The following C1orf167 variants were observed in gnomAD, a reference collection of about 807,000 sequenced individuals.
C1orf167 encodes uncharacterized protein C1orf167.
A neutral mutation model predicts 176.5 loss-of-function variants in C1orf167; 153 were observed. The ratio of observed to expected loss-of-function variants is 0.87; its 90% CI spans 0.76 to 0.99. The LOEUF (loss-of-function observed/expected upper bound fraction) is 0.99, where lower values mean the gene tolerates loss of function less well. Ranked by LOEUF, C1orf167 falls within the 50% of genes least tolerant of loss-of-function variation. The probability of loss-of-function intolerance (pLI) is 0.00; values close to 1 mark genes in which losing one functional copy is unlikely to be tolerated. For synonymous variants in C1orf167, 594 were observed against 752.7 expected (o/e 0.79, Z 3.45); for missense variants, 1,490 against 1,817.7 (o/e 0.82, Z 3.28).
At chr1:11,783,291 A>G (rs1050602445) in intron 14 of C1orf167, among the ~76,000 whole-genome samples, 1 of 152,086 alleles carries the variant, frequency 6.6e-6, no homozygotes, top group Non-Finnish European at 1.5e-5. Context: ...CTTGTTGCCC[A>G]GGTTGGAGTG....
At chr1:11,783,682 C>T (rs770685358) in intron 14 of C1orf167, among the ~76,000 whole-genome samples, 2 of 152,172 alleles carry the variant, frequency 1.3e-5, no homozygotes, top group Non-Finnish European at 2.9e-5. Flanking sequence ...TTCCCATCCC[C>T]CTCGCAGGGC....
rs966519912 is a variant in C1orf167, at chr1:11,784,313, G to A, written c.3145G>A (p.Gly1049Arg). Reference protein sequence around the residue: ...TWREAQEVAAGAQEQRVAQAS... With the variant: ...TWREAQEVAARAQEQRVAQAS... ...GCGGGAAGCCCAGGAAGTGGCAGCC[G>A]GGGCACAGGAGCAGCGTGTGGCCCA... Residue 1049 changes from glycine (G) to arginine (R), a missense_variant, in exon 15 of 21, where the codon GGG (glycine) becomes AGG (arginine). By Grantham distance (125) the Gly-to-Arg change is moderately radical (BLOSUM62 -2). Coordinates refer to ENST00000688073, the MANE Select transcript of C1orf167 (RefSeq NM_001010881.2). The A allele has an allele frequency of 8.4e-6, 11 of 1,303,572 alleles. No individual in the cohort carries two copies. Among genetic ancestry groups the A allele is most frequent in the South Asian group, 2.5e-5 (2 of 80,908 alleles). 80.8% of individuals were successfully genotyped at this position (1,303,572 alleles called of 1,614,324 possible).
At position 11,768,977 on chromosome 1, in the gene C1orf167, G is replaced by A; in HGVS notation, c.1547G>A (p.Arg516Lys). Residue 516 changes from arginine (R) to lysine (K), a missense_variant, in exon 6 of 21, where the codon AGA becomes AAA. Coordinates refer to ENST00000688073, the MANE Select transcript of C1orf167 (RefSeq NM_001010881.2). This position sits in a 1 kb window ranked among gnomAD's most constrained non-coding sequence, Gnocchi z 4.5. ...TCCCCTTCTCTCTTGAGCCAGTGGA[G>A]AAACCTGGCTTTACAGCAGAAACAA... ...VLLVRSFREW[R>K]NLALQQKQVQ... The A allele has an allele frequency of 4.1e-6, 4 of 985,942 alleles. No individual in the cohort carries two copies. Among genetic ancestry groups the A allele is most frequent in the Non-Finnish European group, 4.8e-6 (4 of 829,990 alleles). The allele number at this position is 985,942 out of a possible 1,614,324, so 61.1% of individuals were successfully genotyped here.
Position 11,768,206 on chromosome 1 carries a change from C to T in C1orf167, c.1473C>T (p.Leu491=), listed in dbSNP as rs558571245. Residue 491 remains leucine, a synonymous_variant, in exon 5 of 21, where the codon CTC becomes CTT. Transcript: ENST00000688073. The surrounding 1 kb of genome is among the most constrained non-coding windows in gnomAD (Gnocchi z 4.5). ...GAAAGTGCCTTCAGGCCTTGTGGCTCCGGGAGGCTCAGCTGGAGGCAGCAT... is the reference window on the plus strand; with the variant it reads ...GAAAGTGCCTTCAGGCCTTGTGGCTTCGGGAGGCTCAGCTGGAGGCAGCAT... ...LLRKCLQALW[L]REAQLEAAWG... 5.0e-4 allele frequency: 644 copies of T among 1,289,764 alleles called. 13 individuals are homozygous for T. In the South Asian group the frequency reaches 6.7e-3, roughly 13 times the overall value. The allele number at this position is 1,289,764 out of a possible 1,614,324, so 79.9% of individuals were successfully genotyped here. A position where few individuals can be genotyped will look rare whatever the true frequency, so the allele number is the denominator to read the frequency against.
intron 14 of C1orf167, 92 bp downstream of exon 14, chr1:11,782,425 C>A: frequency 1.8e-6 from 2 of 1,118,040 alleles, no homozygotes; most frequent in South Asian, 1.8e-5. Flanking sequence ...CAGACGGTGG[C>A]CCAGATAGGA....
At chr1:11,763,071 G>T (rs1427967650) in intron 1 of C1orf167, among the ~76,000 whole-genome samples, 1 of 152,188 alleles carries the variant, frequency 6.6e-6, no homozygotes, top group Non-Finnish European at 1.5e-5. Context: ...AGCAGCCAGG[G>T]GGCTGGTGTG....
chr1:11,784,562 C>T lies in C1orf167; in HGVS notation c.3394C>T (p.Arg1132Ter), dbSNP rs1310763414. The change falls in exon 15 of 21, where the codon CGA becomes TGA. Residue 1132 changes from arginine (R) to a stop codon, truncating the protein, a stop_gained. Transcript: ENST00000688073. LOFTEE classifies it high-confidence loss of function. ...VHESCRGQVS[R>*]AHASWKPRAW... ...TGAGTCCTGTCGGGGCCAGGTCAGC[C>T]GAGCCCATGCTTCCTGGAAGCCGCG... The T allele has an allele frequency of 1.0e-5, 13 of 1,269,514 alleles. No homozygotes were observed. The highest frequency in any genetic ancestry group is 2.8e-4 in the Middle Eastern group (1 of 3,558). 78.6% of individuals were successfully genotyped at this position (1,269,514 alleles called of 1,614,324 possible). A position where few individuals can be genotyped will look rare whatever the true frequency, so the allele number is the denominator to read the frequency against.
rs138818826 is a variant in C1orf167, at chr1:11,768,939, C to T, written c.1543-34C>T. ...GTTCCCTTGGGAGGCAGATTCAAGG[C>T]CAACATCTCCTTTCCCCTTCTCTCT... On this transcript the variant is annotated intron_variant, in intron 5 of 20. Transcript: ENST00000688073. The surrounding 1 kb of genome is among the most constrained non-coding windows in gnomAD (Gnocchi z 4.5). 1.3e-3 allele frequency: 1,290 copies of T among 985,954 alleles called. 19 individuals are homozygous for T. In the African/African-American group the frequency reaches 0.021, roughly 16 times the overall value. 61.1% of individuals were successfully genotyped at this position (985,954 alleles called of 1,614,324 possible).
Position 11,778,803 on chromosome 1 carries a change from ACT to A in C1orf167, c.2488_2489del (p.Leu830GlyfsTer130), listed in dbSNP as rs1643452380. On this transcript the variant is annotated frameshift_variant, in exon 11 of 21. Coordinates refer to ENST00000688073, the MANE Select transcript of C1orf167 (RefSeq NM_001010881.2). LOFTEE classifies it high-confidence loss of function. ...CCACTGAGCAGCAGCACACTCCAAG[ACT>A]CTCTGGAGAAGGTGAGAGGTAGGAG... 2.3e-6 allele frequency: 3 copies of A among 1,298,764 alleles called. No individual in the cohort carries two copies. Among genetic ancestry groups the A allele is most frequent in the Non-Finnish European group, 3.0e-6 (3 of 986,814 alleles). The allele number at this position is 1,298,764 out of a possible 1,614,324, so 80.5% of individuals were successfully genotyped here.
At position 11,776,606 on chromosome 1, in the gene C1orf167, G is replaced by A. The variant is rs1643328195; in HGVS notation, c.2307G>A (p.Trp769Ter). 8.3e-7 allele frequency: 1 copy of A among 1,206,370 alleles called. No homozygotes were observed. Among genetic ancestry groups the A allele is most frequent in the South Asian group, 1.5e-5 (1 of 67,180 alleles). 74.7% of individuals were successfully genotyped at this position (1,206,370 alleles called of 1,614,324 possible). The change falls in exon 10 of 21, where the codon TGG becomes TGA. Residue 769 changes from tryptophan to a stop codon, truncating the protein, a stop_gained. Transcript: ENST00000688073. LOFTEE classifies it high-confidence loss of function. ...TLALCWALLL[W>*]KMRLFQRQWA... ...CCCTCTGCTGGGCGCTGCTGCTGTG[G>A]AAGATGCGGCTTTTCCAGCGCCAGT... is the stretch of plus-strand genomic sequence containing the variant.
intron 14 of C1orf167, 54 bp from the exon 15 acceptor site, chr1:11,784,120 G>A: frequency 8.3e-7 from 1 of 1,203,456 alleles, no homozygotes; most frequent in South Asian, 1.5e-5. Flanking sequence ...TTCCCAAAGT[G>A]CTGGGATTAC....
At chr1:11,788,610 A>C (rs1391386259) in intron 19 of C1orf167, 42 bp from the exon 20 acceptor site, 1 of 1,286,834 alleles carries the variant, frequency 7.8e-7, no homozygotes, top group South Asian at 1.2e-5. Flanking sequence ...ACTGCGGGGG[A>C]GCGTGAGCAC....
intron 8 of C1orf167, among the ~76,000 whole-genome samples, chr1:11,773,842 T>TA (rs1245983242): frequency 6.6e-6 from 1 of 152,172 alleles, no homozygotes; most frequent in Non-Finnish European, 1.5e-5. Context: ...TATATTGTAT[T>TA]AGAGTTTGCA....
In C1orf167 at chr1:11,765,679, C is replaced by T. The variant is rs1034072903; in HGVS notation, c.71-178C>T. On this transcript the variant is annotated intron_variant, in intron 2 of 20. Coordinates refer to ENST00000688073, the MANE Select transcript of C1orf167 (RefSeq NM_001010881.2). Reference sequence around the variant, plus strand: ...CTCCAAGACCCCCCTACTCCAAGAGCCCCCGGGGCTGCCCATGGCTTCACC... The same window carrying T: ...CTCCAAGACCCCCCTACTCCAAGAGTCCCCGGGGCTGCCCATGGCTTCACC... Among the ~76,000 whole-genome samples, 8 of 152,214 alleles carry T rather than the reference C, an allele frequency of 5.3e-5. No individual in the cohort carries two copies. In the East Asian group the frequency reaches 1.5e-3, roughly 29 times the overall value.
At chr1:11,771,910 G>A (rs1643097521) in intron 7 of C1orf167, among the ~76,000 whole-genome samples, 172 bp from the exon 8 acceptor site, 2 of 152,142 alleles carry the variant, frequency 1.3e-5, no homozygotes, top group South Asian at 2.1e-4. Flanking sequence ...TTTCTGGGCT[G>A]ATACACTGAT....
chr1:11,770,955 C>T (rs1166031945), intron 6 of C1orf167, among the ~76,000 whole-genome samples: 1 of 118,590 alleles, frequency 8.4e-6, no homozygotes, highest in African/African-American at 3.0e-5. Context: ...CAAGTGTGTG[C>T]CACCACACTG....
chr1:11,774,225 G>A (rs965393029), intron 8 of C1orf167, among the ~76,000 whole-genome samples: 1 of 151,854 alleles, frequency 6.6e-6, no homozygotes, highest in Non-Finnish European at 1.5e-5. Flanking sequence ...AATTTTGGTA[G>A]AGACAGAGTC....
rs1347174127 is a variant in C1orf167, at chr1:11,789,353, AG to A, written c.4259del (p.Gly1420AlafsTer35). On this transcript the variant is annotated frameshift_variant, in exon 21 of 21. Coordinates refer to ENST00000688073, the MANE Select transcript of C1orf167 (RefSeq NM_001010881.2). LOFTEE classifies it low-confidence loss of function (END_TRUNC). Reference protein sequence around the residue: ...ASSPRPWSKPGPKGPESGQEA... With the variant: ...ASSPRPWSKPXPKGPESGQEA... ...GTAGCCCAAGACCCTGGAGCAAGCC[AG>A]GCCCCAAGGGCCCCGAGAGTGGACA... is the stretch of plus-strand genomic sequence containing the variant. 2.3e-6 allele frequency: 3 copies of A among 1,304,042 alleles called. No homozygotes were observed. In the South Asian group the frequency reaches 3.7e-5, roughly 16 times the overall value. 80.8% of individuals were successfully genotyped at this position (1,304,042 alleles called of 1,614,324 possible). A position where few individuals can be genotyped will look rare whatever the true frequency, so the allele number is the denominator to read the frequency against.
At chr1:11,782,796 C>T (rs1340864802) in intron 14 of C1orf167, among the ~76,000 whole-genome samples, 1 of 151,932 alleles carries the variant, frequency 6.6e-6, no homozygotes, top group East Asian at 1.9e-4. Context: ...GTGGCAGGTG[C>T]CTGTAGTCCC....
Sources: gnomAD v4.1 joint callset for allele counts (sites outside exome capture counted in the v4.1 genomes callset) on GRCh38, gnomAD v4.1.1 for gene constraint, Gnocchi (gnomAD v3.1) non-coding constraint, MANE v1.5 for transcripts, NCBI Gene and HGNC (gene_info 2026-07-23, HGNC 2026-07-21) for gene names.